Variants in IQCJ observed in about 807,000 individuals in gnomAD.
The protein encoded by IQCJ is IQ domain-containing protein J.
A neutral mutation model predicts 11.0 loss-of-function variants in IQCJ; 9 were observed. The observed-to-expected ratio is 0.82, with a 90% CI of 0.49 to 1.43. IQCJ has a LOEUF of 1.43. Among genes scored for constraint, IQCJ ranks in the 40% most tolerant of loss-of-function variants. The probability of loss-of-function intolerance (pLI) is 0.00; values close to 1 mark genes in which losing one functional copy is unlikely to be tolerated. For missense variants in IQCJ, 146 were observed against 133.2 expected, an observed-to-expected ratio of 1.10 and a Z score of -0.47; for synonymous variants, 55 against 51.3, an observed-to-expected ratio of 1.07 and a Z score of -0.31.
chr3:159,107,476 G>A (rs1404745020), intron 1 of IQCJ, among the ~76,000 whole-genome samples: 1 of 152,076 alleles, frequency 6.6e-6, no homozygotes, highest in East Asian at 1.9e-4. Context: ...TGACCCCAAG[G>A]CGACTGAGAT....
chr3:159,225,414 G>A (rs1560032124), intron 1 of IQCJ, among the ~76,000 whole-genome samples: 4 of 152,116 alleles, frequency 2.6e-5, no homozygotes, highest in Admixed American at 6.6e-5. Flanking sequence ...TGTAAGGGGG[G>A]AGCAGAGGAG....
At chr3:159,264,418 A>G (rs566045514), downstream of IQCJ, among the ~76,000 whole-genome samples, 1 of 152,278 alleles carries the variant, frequency 6.6e-6, no homozygotes, top group African/African-American at 2.4e-5. Flanking sequence ...ACTTTATTTA[A>G]TTTAGCTTAG....
chr3:159,198,471 A>T (rs905658227), intron 1 of IQCJ, among the ~76,000 whole-genome samples: 4 of 152,198 alleles, frequency 2.6e-5, no homozygotes, highest in African/African-American at 9.6e-5. Context: ...GAAGAAAATG[A>T]TGAAAAGCTA....
intron 1 of IQCJ, among the ~76,000 whole-genome samples, chr3:159,112,106 A>G (rs1156685609): frequency 6.6e-6 from 1 of 152,166 alleles, no homozygotes; most frequent in Non-Finnish European, 1.5e-5. Flanking sequence ...TAGGCACTCA[A>G]TAAATCCTCA....
intron 1 of IQCJ, among the ~76,000 whole-genome samples, chr3:159,179,967 A>T (rs1723001713): frequency 7.5e-6 from 1 of 134,130 alleles, no homozygotes; most frequent in East Asian, 2.0e-4. Context: ...ATAGCAGTTC[A>T]TGGCAGGTGA....
chr3:159,161,950 G>A (rs965477970), intron 1 of IQCJ, among the ~76,000 whole-genome samples: 9 of 152,260 alleles, frequency 5.9e-5, no homozygotes, highest in East Asian at 3.9e-4. Flanking sequence ...AGTATAGTTC[G>A]AAGTCAGGTA....
At chr3:159,141,886 A>G (rs1318093545) in intron 1 of IQCJ, among the ~76,000 whole-genome samples, 2 of 152,222 alleles carry the variant, frequency 1.3e-5, no homozygotes, top group Non-Finnish European at 2.9e-5. Context: ...ATGATAACAT[A>G]TTAGAATATC....
At chr3:159,246,548 C>T (rs897710192) in intron 2 of IQCJ, among the ~76,000 whole-genome samples, 1 of 152,060 alleles carries the variant, frequency 6.6e-6, no homozygotes, top group African/African-American at 2.4e-5. Context: ...TTGGTTGCCT[C>T]GAGAATCCTT....
rs147221233 is a variant in IQCJ, at chr3:159,103,500, G to A, written c.9+34059G>A. ...CTTGAATTAAGGGTATTTTAGGATC[G>A]ACATTCTGCTCATCTAAAGAGCAAA... On this transcript the variant is annotated intron_variant, in intron 1 of 3. Transcript: ENST00000397832. Among the ~76,000 whole-genome samples the A allele has an allele frequency of 7.4e-4, 113 of 152,264 alleles. No individual in the cohort carries two copies. The East Asian group carries it at 0.012, about 16-fold the overall frequency.
At chr3:159,086,011 T>C (rs921022882) in intron 1 of IQCJ, among the ~76,000 whole-genome samples, 14 of 152,194 alleles carry the variant, frequency 9.2e-5, no homozygotes, top group Non-Finnish European at 2.1e-4. Context: ...TCCTGAATGG[T>C]AATGCCTAGG....
intron 2 of IQCJ, among the ~76,000 whole-genome samples, chr3:159,251,197 G>A (rs990954247): frequency 6.6e-6 from 1 of 152,040 alleles, no homozygotes; most frequent in Non-Finnish European, 1.5e-5. Context: ...CCTACCGCCA[G>A]GACATTCCTT....
intron 1 of IQCJ, among the ~76,000 whole-genome samples, chr3:159,237,560 A>G (rs1726667450): frequency 6.6e-6 from 1 of 152,238 alleles, no homozygotes; most frequent in Non-Finnish European, 1.5e-5. Flanking sequence ...TCACCATAAC[A>G]GTATAGCCTA....
intron 1 of IQCJ, among the ~76,000 whole-genome samples, chr3:159,125,109 C>G (rs1400251826): frequency 6.6e-6 from 1 of 152,150 alleles, no homozygotes; most frequent in Admixed American, 6.5e-5. Context: ...ACCTGATAAA[C>G]ACCACCTTAG....
chr3:159,144,087 G>A (rs1720783565), intron 1 of IQCJ, among the ~76,000 whole-genome samples: 1 of 152,184 alleles, frequency 6.6e-6, no homozygotes, highest in African/African-American at 2.4e-5. Flanking sequence ...AAAAGGACCT[G>A]TTTGTTAATT....
At chr3:159,198,567 G>A (rs1362417214) in intron 1 of IQCJ, among the ~76,000 whole-genome samples, 2 of 152,190 alleles carry the variant, frequency 1.3e-5, no homozygotes, top group Non-Finnish European at 2.9e-5. Flanking sequence ...AGGGAGTTCA[G>A]TGAAATAAAG....
intron 1 of IQCJ, among the ~76,000 whole-genome samples, chr3:159,175,248 G>A (rs1722730482): frequency 6.6e-6 from 1 of 152,176 alleles, no homozygotes; most frequent in Non-Finnish European, 1.5e-5. Context: ...GAAGCAGGTG[G>A]ATCACTTGAG....
chr3:159,086,052 C>G (rs780722769), intron 1 of IQCJ, among the ~76,000 whole-genome samples: 1 of 152,146 alleles, frequency 6.6e-6, no homozygotes, highest in East Asian at 1.9e-4. Flanking sequence ...GGTTTTAGAT[C>G]TAACATTTAA....
At chr3:159,094,644 G>A (rs1338053281) in intron 1 of IQCJ, among the ~76,000 whole-genome samples, 2 of 151,650 alleles carry the variant, frequency 1.3e-5, no homozygotes, top group Non-Finnish European at 2.9e-5. Context: ...CTGAGAAGCA[G>A]AGAATACAGG....
At chr3:159,209,044 C>T (rs930286920) in intron 1 of IQCJ, among the ~76,000 whole-genome samples, 17 of 152,150 alleles carry the variant, frequency 1.1e-4, no homozygotes, top group African/African-American at 4.1e-4. Flanking sequence ...GAACCCACGG[C>T]CCTAAATGAG....
Sources: gnomAD v4.1 joint callset for allele counts (sites outside exome capture counted in the v4.1 genomes callset) on GRCh38, gnomAD v4.1.1 for gene constraint, MANE v1.5 for transcripts, NCBI Gene and HGNC (gene_info 2026-07-23, HGNC 2026-07-21) for gene names.